PDE6D: variants seen among roughly 807,000 people sequenced by gnomAD.
PDE6D encodes the protein retinal rod rhodopsin-sensitive cGMP 3',5'-cyclic phosphodiesterase subunit delta.
In PDE6D, 10 loss-of-function variants were observed where a neutral mutation model predicts 21.9. The observed-to-expected ratio is 0.46, with a 90% CI of 0.28 to 0.78. The LOEUF is 0.78. Among genes scored for constraint, PDE6D ranks in the 30% least tolerant of loss-of-function variants. The pLI is 0.12. For missense variants in PDE6D, 139 were observed against 184.8 expected (o/e 0.75, Z 1.44); for synonymous variants, 59 against 63.5 (o/e 0.93, Z 0.34).
chr2:231,774,449 T>C (rs560347109), intron 1 of PDE6D, among the ~76,000 whole-genome samples: 1 of 152,280 alleles, frequency 6.6e-6, no homozygotes, highest in East Asian at 1.9e-4. Flanking sequence ...GAGCCCATAC[T>C]CTCAACCACT....
intron 1 of PDE6D, among the ~76,000 whole-genome samples, chr2:231,741,369 A>G (rs780895775): frequency 1.3e-5 from 2 of 152,100 alleles, no homozygotes; most frequent in Non-Finnish European, 2.9e-5. Context: ...ACTAAAAAAT[A>G]TTTGCTTTCT....
intron 1 of PDE6D, among the ~76,000 whole-genome samples, chr2:231,774,122 G>A (rs1179089276): frequency 2.6e-5 from 4 of 151,966 alleles, no homozygotes; most frequent in Admixed American, 1.3e-4. Context: ...TAGTAGAGAC[G>A]GGATTTCACC....
At chr2:231,761,387 A>AG (rs35025339) in intron 1 of PDE6D, among the ~76,000 whole-genome samples, 38,989 of 152,076 alleles carry the variant, frequency 0.26, 5,228 homozygotes, top group Non-Finnish European at 0.31. Context: ...CATGTTAGCC[A>AG]GGATGGTCTC....
At chr2:231,759,016 G>C (rs1023211595) in intron 1 of PDE6D, among the ~76,000 whole-genome samples, 3 of 152,068 alleles carry the variant, frequency 2.0e-5, no homozygotes, top group African/African-American at 7.2e-5. Flanking sequence ...GTTGAGGCTG[G>C]GAATTAAAAG....
In PDE6D at chr2:231,733,101, C is replaced by T. The variant is rs1293189575; in HGVS notation, c.372-68G>A. On this transcript the variant is annotated intron_variant, in intron 4 of 4. Coordinates refer to ENST00000287600, the MANE Select transcript of PDE6D (RefSeq NM_002601.4). ...TGTTAGGCACAAGATTTCATTTCCACAAAGTGGTTTCCATCTGGATTCCTG... is the reference window on the plus strand; with the variant it reads ...TGTTAGGCACAAGATTTCATTTCCATAAAGTGGTTTCCATCTGGATTCCTG... 5 of 1,113,634 alleles carry T rather than the reference C, an allele frequency of 4.5e-6. No homozygotes were observed. In the East Asian group the frequency reaches 9.4e-5, roughly 21 times the overall value. 69.0% of individuals were successfully genotyped at this position (1,113,634 alleles called of 1,614,324 possible).
At chr2:231,734,144 G>C (rs1182965079) in intron 4 of PDE6D, among the ~76,000 whole-genome samples, 1 of 151,744 alleles carries the variant, frequency 6.6e-6, no homozygotes, top group African/African-American at 2.4e-5. Flanking sequence ...AACCCGGGAG[G>C]CGGAGCTTGC....
intron 1 of PDE6D, among the ~76,000 whole-genome samples, chr2:231,772,750 T>C (rs2049025430): frequency 6.6e-6 from 1 of 152,150 alleles, no homozygotes; most frequent in South Asian, 2.1e-4. Flanking sequence ...TCAAATGTAG[T>C]GGTGATACAA....
chr2:231,750,308 A>G (rs1238655210), intron 1 of PDE6D, among the ~76,000 whole-genome samples: 1 of 152,080 alleles, frequency 6.6e-6, no homozygotes, highest in Non-Finnish European at 1.5e-5. Flanking sequence ...AATACAACCT[A>G]CTATGTACCG....
chr2:231,778,228 T>C (rs1209274343), intron 1 of PDE6D, among the ~76,000 whole-genome samples: 1 of 152,218 alleles, frequency 6.6e-6, no homozygotes, highest in Non-Finnish European at 1.5e-5. Flanking sequence ...ATTGCGCCAC[T>C]GCATTCCAAC....
intron 1 of PDE6D, among the ~76,000 whole-genome samples, chr2:231,762,139 G>T (rs1391489873): frequency 6.6e-6 from 1 of 152,064 alleles, no homozygotes; most frequent in Admixed American, 6.5e-5. Context: ...GATCCACATT[G>T]AAAACAAAAT....
chr2:231,735,573 C>T (rs1042202507), intron 4 of PDE6D, among the ~76,000 whole-genome samples: 25 of 150,898 alleles, frequency 1.7e-4, no homozygotes, highest in Non-Finnish European at 3.2e-4. Flanking sequence ...GCTGGGATTA[C>T]AGGTGTGAGC....
chr2:231,772,638 T>C (rs1185740907), intron 1 of PDE6D, among the ~76,000 whole-genome samples: 1 of 152,138 alleles, frequency 6.6e-6, no homozygotes, highest in African/African-American at 2.4e-5. Context: ...CGAGGATTTG[T>C]GGATGCAGAA....
intron 4 of PDE6D, among the ~76,000 whole-genome samples, chr2:231,735,368 C>T (rs1440257948): frequency 4.1e-5 from 6 of 145,976 alleles, no homozygotes; most frequent in Non-Finnish European, 6.0e-5. Context: ...GGCGTGATCT[C>T]GGCTCACTGC....
intron 1 of PDE6D, among the ~76,000 whole-genome samples, chr2:231,752,831 GTTTT>G (rs778027978): frequency 8.4e-6 from 1 of 119,298 alleles, no homozygotes; most frequent in Non-Finnish European, 1.7e-5. Flanking sequence ...AGAGATTTGA[GTTTT>G]TTTTTTTTTT....
intron 1 of PDE6D, among the ~76,000 whole-genome samples, chr2:231,741,857 T>C (rs2048752337): frequency 6.6e-6 from 1 of 152,154 alleles, no homozygotes; most frequent in Non-Finnish European, 1.5e-5. Flanking sequence ...ATAATTTACC[T>C]GGGAGGATGG....
chr2:231,737,905 A>G, intron 3 of PDE6D, 108 bp downstream of exon 3: 1 of 1,078,400 alleles, frequency 9.3e-7, no homozygotes, highest in Non-Finnish European at 1.3e-6. Flanking sequence ...CCACAAACTG[A>G]GTTGTAAAAG....
In PDE6D at chr2:231,746,643, C is replaced by T. The variant is rs189616029; in HGVS notation, c.51-7455G>A. On this transcript the variant is annotated intron_variant, in intron 1 of 4. Coordinates refer to ENST00000287600, the MANE Select transcript of PDE6D (RefSeq NM_002601.4). ...ATTTTTTATATAATAAACAGATCCA[C>T]ACTACATGCCCGTACCTCACCGGCC... is the stretch of plus-strand genomic sequence containing the variant. Among the ~76,000 whole-genome samples the T allele has an allele frequency of 1.5e-3, 235 of 152,214 alleles. 3 individuals are homozygous for T. The highest frequency in any genetic ancestry group is 5.3e-3 in the African/African-American group (222 of 41,502).
intron 1 of PDE6D, among the ~76,000 whole-genome samples, chr2:231,741,895 G>A (rs1219962481): frequency 6.6e-6 from 1 of 152,200 alleles, no homozygotes; most frequent in African/African-American, 2.4e-5. Context: ...TATCTGGATA[G>A]TCAGGCACGA....
intron 1 of PDE6D, among the ~76,000 whole-genome samples, chr2:231,759,790 T>C (rs1215948730): frequency 6.6e-6 from 1 of 152,152 alleles, no homozygotes; most frequent in Non-Finnish European, 1.5e-5. Flanking sequence ...CAAATGCTTC[T>C]CTTTATAAGC....
Sources: gnomAD v4.1 joint callset for allele counts (sites outside exome capture counted in the v4.1 genomes callset) on GRCh38, gnomAD v4.1.1 for gene constraint, MANE v1.5 for transcripts, NCBI Gene and HGNC (gene_info 2026-07-23, HGNC 2026-07-21) for gene names.